ANXA5: variants seen among roughly 807,000 people sequenced by gnomAD.
ANXA5 encodes the protein CBP-I.
In ANXA5, 40 loss-of-function variants were observed where a neutral mutation model predicts 48.1. That is an observed-to-expected ratio of 0.83 (90% CI 0.65 to 1.08). The LOEUF is 1.08. ANXA5 is among the 50% of genes least tolerant of loss of function. The pLI is 0.00. For missense variants in ANXA5, 357 were observed against 376.8 expected, an observed-to-expected ratio of 0.95 and a Z score of 0.44; for synonymous variants, 113 against 129.1, an observed-to-expected ratio of 0.88 and a Z score of 0.85.
chr4:121,668,598 T>A, intron 12 of ANXA5, 71 bp from the exon 13 acceptor site: 1 of 1,318,140 alleles, frequency 7.6e-7, no homozygotes, highest in Non-Finnish European at 1.1e-6. Flanking sequence ...ACTAAATAAC[T>A]GGCAACAAAT....
At position 121,683,437 on chromosome 4, in the gene ANXA5, A is replaced by G. The variant is rs747497278; in HGVS notation, c.230T>C (p.Phe77Ser). Residue 77 changes from phenylalanine (F) to serine (S), a missense_variant, in exon 5 of 13, where the codon TTT becomes TCT. By Grantham distance (155) the Phe-to-Ser change is radical. Transcript: ENST00000296511. ...DDLKSELTGK[F>S]EKLIVALMKP... ...CATCAGAGCCACAATTAATTTTTCA[A>G]ATTTTCCAGTTAGTTCTGATTTCAG... 2 of 1,611,582 alleles carry G rather than the reference A, an allele frequency of 1.2e-6. No homozygotes were observed. The highest frequency in any genetic ancestry group is 1.7e-6 in the Non-Finnish European group (2 of 1,178,472).
At chr4:121,679,788 A>G (rs1323906827) in intron 6 of ANXA5, among the ~76,000 whole-genome samples, 5 of 152,202 alleles carry the variant, frequency 3.3e-5, no homozygotes, top group African/African-American at 9.7e-5. Flanking sequence ...TTTAAGGTAT[A>G]CACCATGATG....
In ANXA5 at chr4:121,683,395, T is replaced by A; in HGVS notation, c.272A>T (p.Tyr91Phe). 6.2e-7 allele frequency: 1 copy of A among 1,608,040 alleles called. No homozygotes were observed. The highest frequency in any genetic ancestry group is 1.7e-5 in the Admixed American group (1 of 59,442). ...GGCATGTTTCAGTTCATAAGCATCA[T>A]AAAGCCGAGAGGGTTTCATCAGAGC... ...IVALMKPSRLYDAYELKHALK... is the reference protein window; with the variant it reads ...IVALMKPSRLFDAYELKHALK... The change falls in exon 5 of 13, where the codon TAT (tyrosine) becomes TTT (phenylalanine). Residue 91 changes from tyrosine (Y) to phenylalanine (F), a missense_variant. Transcript: ENST00000296511.
intron 2 of ANXA5, 86 bp from the exon 3 acceptor site, chr4:121,686,458 A>G: frequency 1.1e-6 from 1 of 946,978 alleles, no homozygotes; most frequent in East Asian, 2.4e-5. Context: ...CTTGCTATAT[A>G]TCATATTCAG....
chr4:121,680,852 A>C (rs557444556), intron 6 of ANXA5, among the ~76,000 whole-genome samples: 1 of 152,342 alleles, frequency 6.6e-6, no homozygotes, highest in East Asian at 1.9e-4. Flanking sequence ...CCCTTTAGAA[A>C]GGTAATTATA....
At chr4:121,672,233 G>A (rs975647693) in intron 9 of ANXA5, among the ~76,000 whole-genome samples, 3 of 152,270 alleles carry the variant, frequency 2.0e-5, no homozygotes, top group African/African-American at 7.2e-5. Flanking sequence ...CAACCTCTAG[G>A]AGGAAATACG....
chr4:121,689,696 G>A (rs1457124073), intron 2 of ANXA5, among the ~76,000 whole-genome samples: 4 of 152,134 alleles, frequency 2.6e-5, no homozygotes, highest in Admixed American at 6.5e-5. Flanking sequence ...ATGCTAAAAT[G>A]TGCAGACCTC....
intron 2 of ANXA5, among the ~76,000 whole-genome samples, chr4:121,695,000 A>T (rs1725054155): frequency 6.6e-6 from 1 of 152,228 alleles, no homozygotes; most frequent in Non-Finnish European, 1.5e-5. Flanking sequence ...TTGGGTAAAC[A>T]GTCTACATAA....
chr4:121,674,816 G>C (rs961737081), intron 8 of ANXA5, among the ~76,000 whole-genome samples: 1 of 152,072 alleles, frequency 6.6e-6, no homozygotes, highest in African/African-American at 2.4e-5. Context: ...CTGGATGAGG[G>C]ACCCTTACAC....
At chr4:121,691,434 C>A (rs544723405) in intron 2 of ANXA5, among the ~76,000 whole-genome samples, 1 of 152,236 alleles carries the variant, frequency 6.6e-6, no homozygotes, top group East Asian at 1.9e-4. Context: ...AAAGTATTCA[C>A]CTGTCTGGAA....
intron 2 of ANXA5, 136 bp from the exon 3 acceptor site, chr4:121,686,508 CT>C: frequency 1.5e-6 from 1 of 683,922 alleles, no homozygotes. Context: ...TTTGTGACCC[CT>C]TTTGAACTGG....
chr4:121,673,777 A>G (rs1332215796), intron 8 of ANXA5, among the ~76,000 whole-genome samples: 2 of 152,218 alleles, frequency 1.3e-5, no homozygotes, highest in Non-Finnish European at 2.9e-5. Flanking sequence ...CTTTAGAACT[A>G]TATCATGATG....
At chr4:121,678,648 A>C (rs1406322357) in intron 6 of ANXA5, among the ~76,000 whole-genome samples, 154 bp from the exon 7 acceptor site, 1 of 152,218 alleles carries the variant, frequency 6.6e-6, no homozygotes, top group Admixed American at 6.5e-5. Flanking sequence ...CTCTAAGCAA[A>C]TGCTTTCAGT....
intron 6 of ANXA5, 108 bp downstream of exon 6, chr4:121,681,563 C>T (rs1385754567): frequency 1.7e-6 from 1 of 597,510 alleles, no homozygotes; most frequent in African/African-American, 1.9e-5. Context: ...TTCATTCATC[C>T]ATCATTTACT....
chr4:121,672,497 CA>C (rs759402511), intron 9 of ANXA5, 35 bp downstream of exon 9: 1 of 1,482,528 alleles, frequency 6.7e-7, no homozygotes, highest in Admixed American at 1.7e-5. Context: ...CCAAATTTAC[CA>C]ATGTATCTGC....
intron 12 of ANXA5, among the ~76,000 whole-genome samples, chr4:121,668,753 A>G (rs1426318080): frequency 1.3e-5 from 2 of 152,008 alleles, no homozygotes; most frequent in African/African-American, 4.8e-5. Flanking sequence ...TTTAACAACT[A>G]TAGTCAAATC....
intron 2 of ANXA5, among the ~76,000 whole-genome samples, chr4:121,694,857 T>C (rs980718397): frequency 6.6e-5 from 10 of 152,228 alleles, no homozygotes; most frequent in African/African-American, 2.4e-4. Context: ...GTCATAGGGC[T>C]CAGGTACATA....
At chr4:121,685,089 G>C (rs1403083055) in intron 3 of ANXA5, among the ~76,000 whole-genome samples, 1 of 143,946 alleles carries the variant, frequency 6.9e-6, no homozygotes, top group Non-Finnish European at 1.5e-5. Flanking sequence ...CACACACACA[G>C]ACGCAAATAC....
chr4:121,684,747 G>A lies in ANXA5; in HGVS notation c.119C>T (p.Thr40Ile). The A allele has an allele frequency of 6.2e-7, 1 of 1,613,974 alleles. No homozygotes were observed. Among genetic ancestry groups the A allele is most frequent in the Non-Finnish European group, 8.5e-7 (1 of 1,179,896 alleles). ...AGCATTACTTCGGGATGTCAACAGA[G>A]TCAGGATGCTCTCCTCATCTGTGCC... ...GLGTDEESIL[T>I]LLTSRSNAQR... Residue 40 changes from threonine to isoleucine, a missense_variant, in exon 4 of 13, where the codon ACT (threonine) becomes ATT (isoleucine). By Grantham distance (89) the Thr-to-Ile change is moderately conservative. Transcript: ENST00000296511.
Sources: allele counts gnomAD v4.1 joint callset (sites outside exome capture counted in the v4.1 genomes callset), GRCh38; gene constraint gnomAD v4.1.1; transcripts MANE v1.5; gene names NCBI Gene and HGNC (gene_info 2026-07-23, HGNC 2026-07-21).